Variants in CHCHD3 observed in about 807,000 individuals in gnomAD.
The protein encoded by CHCHD3 is coiled-coil-helix-coiled-coil-helix domain containing 3.
In CHCHD3, 20 loss-of-function variants were observed where a neutral mutation model predicts 38.2. That is an observed-to-expected ratio of 0.52 (90% CI 0.37 to 0.76). CHCHD3 has a LOEUF of 0.76. Among genes scored for constraint, CHCHD3 ranks in the 30% least tolerant of loss-of-function variants. The probability of loss-of-function intolerance (pLI) is 0.00; values close to 1 mark genes in which losing one functional copy is unlikely to be tolerated. For synonymous variants in CHCHD3, 82 were observed against 100.0 expected (o/e 0.82, Z 1.07); for missense variants, 245 against 279.2 (o/e 0.88, Z 0.87).
chr7:133,017,290 G>A (rs1813056621), intron 3 of CHCHD3, among the ~76,000 whole-genome samples: 1 of 152,120 alleles, frequency 6.6e-6, no homozygotes, highest in East Asian at 1.9e-4. Flanking sequence ...AATGCGGCAG[G>A]CCAATTCTAA....
intron 5 of CHCHD3, among the ~76,000 whole-genome samples, chr7:132,864,309 GA>G (rs1217439407): frequency 3.9e-5 from 6 of 152,156 alleles, no homozygotes; most frequent in Admixed American, 2.6e-4. Context: ...AAGAGATGGG[GA>G]AATGGCTGAT....
intron 5 of CHCHD3, among the ~76,000 whole-genome samples, chr7:132,843,289 G>C (rs1807990268): frequency 6.6e-6 from 1 of 152,036 alleles, no homozygotes; most frequent in Non-Finnish European, 1.5e-5. Context: ...GTAGAGTCTT[G>C]GGCCACATCC....
At chr7:132,859,098 T>C (rs184727068) in intron 5 of CHCHD3, among the ~76,000 whole-genome samples, 6 of 152,276 alleles carry the variant, frequency 3.9e-5, no homozygotes, top group African/African-American at 1.2e-4. Flanking sequence ...GATCACTGTA[T>C]TGAATGCCTT....
Position 132,963,354 on chromosome 7 carries a change from A to G in CHCHD3, c.369+11815T>C, listed in dbSNP as rs1257019661. ...TTTTTTTTTTTTTTTTTTTTTTGCCAGGCACTGTGGCTCACGCCTATAATC... is the reference window on the plus strand; with the variant it reads ...TTTTTTTTTTTTTTTTTTTTTTGCCGGGCACTGTGGCTCACGCCTATAATC... On this transcript the variant is annotated intron_variant, in intron 4 of 7. Transcript: ENST00000262570. Among the ~76,000 whole-genome samples, 60 of 93,570 alleles carry G rather than the reference A, an allele frequency of 6.4e-4. 2 individuals carry two copies. The East Asian group carries it at 0.014, about 21-fold the overall frequency. The allele number at this position is 93,570 out of a possible 152,430, so 61.4% of individuals were successfully genotyped here.
chr7:133,059,245 T>A (rs1406924609), intron 2 of CHCHD3, among the ~76,000 whole-genome samples: 1 of 152,120 alleles, frequency 6.6e-6, no homozygotes. Flanking sequence ...CCCAGAGTTT[T>A]GACAACAGGA....
chr7:132,835,605 C>T (rs1020813750), intron 6 of CHCHD3, among the ~76,000 whole-genome samples: 2 of 152,106 alleles, frequency 1.3e-5, no homozygotes, highest in African/African-American at 4.8e-5. Context: ...AGATTCAGGA[C>T]AGAGATTTTT....
rs1043069756 is a variant in CHCHD3, at chr7:132,785,322, A to G, written c.*315T>C. On this transcript the variant is annotated 3_prime_UTR_variant, in exon 8 of 8. Coordinates refer to ENST00000262570, the MANE Select transcript of CHCHD3 (RefSeq NM_017812.4). The stretch of plus-strand genomic sequence containing the variant: ...GATGGGGCTTGTTCAGAAGAGAAAC[A>G]TTTTATGGTCAGTGCAAGTTGAATA... 2.3e-5 allele frequency: 7 copies of G among 310,876 alleles called. No individual in the cohort carries two copies. Among genetic ancestry groups the G allele is most frequent in the African/African-American group, 1.5e-4 (7 of 46,152 alleles). The allele number at this position is 310,876 out of a possible 1,614,324, so 19.3% of individuals were successfully genotyped here.
At chr7:133,030,955 TTTTG>T (rs1042014568) in intron 2 of CHCHD3, among the ~76,000 whole-genome samples, 21 of 152,302 alleles carry the variant, frequency 1.4e-4, no homozygotes, top group African/African-American at 4.8e-4. Flanking sequence ...CCTAACAAAT[TTTTG>T]TTTGTCTTTA....
At chr7:132,821,747 C>CTTTTTTTTTTTTT (rs71178063) in intron 6 of CHCHD3, among the ~76,000 whole-genome samples, 2 of 100,288 alleles carry the variant, frequency 2.0e-5, no homozygotes, top group African/African-American at 4.5e-5. Context: ...GCACTCAAAT[C>CTTTTTTTTTTTTT]TTTTTTTTTT....
At chr7:132,827,370 T>C (rs1002300021) in intron 6 of CHCHD3, among the ~76,000 whole-genome samples, 7 of 152,350 alleles carry the variant, frequency 4.6e-5, no homozygotes, top group African/African-American at 7.2e-5. Flanking sequence ...TTATGTTTCA[T>C]ATATACTATA....
chr7:133,033,517 C>T (rs748039009), intron 2 of CHCHD3, among the ~76,000 whole-genome samples: 1 of 152,020 alleles, frequency 6.6e-6, no homozygotes, highest in Admixed American at 6.6e-5. Flanking sequence ...CCCACCACTG[C>T]GCACCATTGT....
chr7:133,022,406 A>G (rs1187806263), intron 3 of CHCHD3: 1 of 456,716 alleles, frequency 2.2e-6, no homozygotes, highest in South Asian at 1.5e-5. Flanking sequence ...CAATACATAC[A>G]ATAACGTATA....
chr7:132,977,100 C>T (rs1044657365), intron 3 of CHCHD3, among the ~76,000 whole-genome samples: 2 of 152,184 alleles, frequency 1.3e-5, no homozygotes, highest in African/African-American at 4.8e-5. Flanking sequence ...TCAGCAACAT[C>T]AATGATATCA....
At chr7:132,978,616 G>A (rs565523633) in intron 3 of CHCHD3, among the ~76,000 whole-genome samples, 10 of 152,268 alleles carry the variant, frequency 6.6e-5, no homozygotes, top group South Asian at 2.1e-4. Context: ...AACACAAGGC[G>A]ATGGTATATA....
chr7:132,939,042 G>A (rs1810699464), intron 4 of CHCHD3, among the ~76,000 whole-genome samples: 1 of 152,102 alleles, frequency 6.6e-6, no homozygotes, highest in Non-Finnish European at 1.5e-5. Context: ...TTCTTTAAAA[G>A]AAGAAGATGG....
chr7:132,810,102 T>C (rs1177376511), intron 6 of CHCHD3, among the ~76,000 whole-genome samples: 1 of 152,168 alleles, frequency 6.6e-6, no homozygotes, highest in Non-Finnish European at 1.5e-5. Flanking sequence ...ATTCGTAATA[T>C]CTCATCTCTA....
intron 4 of CHCHD3, among the ~76,000 whole-genome samples, chr7:132,897,783 C>T (rs536824098): frequency 1.4e-4 from 22 of 152,320 alleles, no homozygotes; most frequent in African/African-American, 4.6e-4. Context: ...CACCTGTATA[C>T]TATGTCGGTT....
intron 5 of CHCHD3, among the ~76,000 whole-genome samples, chr7:132,854,596 G>A (rs191094770): frequency 1.1e-4 from 16 of 152,174 alleles, no homozygotes; most frequent in South Asian, 2.1e-4. Context: ...GGGGTTGGGG[G>A]ACAAACCAAT....
At chr7:132,984,077 T>C (rs1812001926) in intron 3 of CHCHD3, among the ~76,000 whole-genome samples, 1 of 151,382 alleles carries the variant, frequency 6.6e-6, no homozygotes, top group Non-Finnish European at 1.5e-5. Context: ...ACGGTCTCCC[T>C]CTCCCTCTCT....
Sources: allele counts gnomAD v4.1 joint callset (sites outside exome capture counted in the v4.1 genomes callset), GRCh38; gene constraint gnomAD v4.1.1; transcripts MANE v1.5; gene names NCBI Gene and HGNC (gene_info 2026-07-23, HGNC 2026-07-21).